FRZB: variants seen among roughly 807,000 people sequenced by gnomAD.
FRZB encodes frizzled related protein.
In FRZB, 34 loss-of-function variants were observed where a neutral mutation model predicts 32.5. The observed-to-expected ratio is 1.05, with a 90% CI of 0.80 to 1.39. FRZB has a LOEUF of 1.39. Ranked by LOEUF, FRZB falls within the 40% of genes most tolerant of loss-of-function variation. The probability of loss-of-function intolerance (pLI) is 0.00; values close to 1 mark genes in which losing one functional copy is unlikely to be tolerated. For missense variants in FRZB, 423 were observed against 424.8 expected, an observed-to-expected ratio of 1.00 and a Z score of 0.04; for synonymous variants, 170 against 159.2, an observed-to-expected ratio of 1.07 and a Z score of -0.51.
intron 2 of FRZB, among the ~76,000 whole-genome samples, chr2:182,848,533 G>T (rs1352906443): frequency 6.6e-6 from 1 of 152,094 alleles, no homozygotes; most frequent in Non-Finnish European, 1.5e-5. Flanking sequence ...AACCGACAGG[G>T]TCTTATTGTT....
chr2:182,847,007 TA>T (rs1695649585), intron 2 of FRZB, among the ~76,000 whole-genome samples: 1 of 152,230 alleles, frequency 6.6e-6, no homozygotes, highest in Non-Finnish European at 1.5e-5. Flanking sequence ...TTCAGTCACT[TA>T]CATATGAATT....
chr2:182,838,848 T>C (rs1695556960), intron 3 of FRZB, among the ~76,000 whole-genome samples: 1 of 152,052 alleles, frequency 6.6e-6, no homozygotes, highest in South Asian at 2.1e-4. Context: ...GTGTATATAT[T>C]TGCATGTATT....
At chr2:182,844,780 T>G (rs1342228181) in intron 2 of FRZB, among the ~76,000 whole-genome samples, 2 of 152,184 alleles carry the variant, frequency 1.3e-5, no homozygotes, top group Non-Finnish European at 2.9e-5. Context: ...TACAAAGCTA[T>G]GCATACAACT....
At chr2:182,859,792 G>A (rs1047782219) in intron 1 of FRZB, among the ~76,000 whole-genome samples, 1 of 152,116 alleles carries the variant, frequency 6.6e-6, no homozygotes, top group South Asian at 2.1e-4. Context: ...TATTTAAAAA[G>A]CAATATCCAA....
intron 2 of FRZB, among the ~76,000 whole-genome samples, chr2:182,857,496 T>C (rs1323106787): frequency 2.0e-5 from 3 of 151,702 alleles, no homozygotes; most frequent in African/African-American, 7.3e-5. Flanking sequence ...GGTGCACACC[T>C]GTAATCCTAG....
chr2:182,854,501 C>T (rs781437513), intron 2 of FRZB, among the ~76,000 whole-genome samples: 8 of 152,122 alleles, frequency 5.3e-5, no homozygotes, highest in Non-Finnish European at 8.8e-5. Context: ...CAGCCTGTAT[C>T]GTAGAGGCAA....
chr2:182,862,092 C>A (rs1695839646), intron 1 of FRZB, among the ~76,000 whole-genome samples: 1 of 152,172 alleles, frequency 6.6e-6, no homozygotes, highest in Admixed American at 6.5e-5. Context: ...TACTTGGCCC[C>A]TCAAATATTT....
At chr2:182,835,333 A>G (rs757856027) in intron 5 of FRZB, among the ~76,000 whole-genome samples, 2 of 152,090 alleles carry the variant, frequency 1.3e-5, no homozygotes, top group South Asian at 2.1e-4. Context: ...TTACACACAG[A>G]ATTTGAAGGG....
At chr2:182,861,480 G>T (rs78674541) in intron 1 of FRZB, among the ~76,000 whole-genome samples, 3,906 of 152,282 alleles carry the variant, frequency 0.026, 72 homozygotes, top group Non-Finnish European at 0.041. Context: ...CCCCAATGAC[G>T]TTGTTGTTAA....
intron 1 of FRZB, among the ~76,000 whole-genome samples, 178 bp from the exon 2 acceptor site, chr2:182,859,011 G>A (rs1228484982): frequency 6.6e-6 from 1 of 152,018 alleles, no homozygotes; most frequent in South Asian, 2.1e-4. Flanking sequence ...GAGTATGGAT[G>A]AGACTTATTT....
chr2:182,853,646 A>G (rs1350214377), intron 2 of FRZB, among the ~76,000 whole-genome samples: 1 of 152,230 alleles, frequency 6.6e-6, no homozygotes, highest in African/African-American at 2.4e-5. Context: ...CCTCAGATCA[A>G]ACATATCACC....
intron 5 of FRZB, 66 bp from the exon 6 acceptor site, chr2:182,835,031 TAAC>T: frequency 8.5e-7 from 1 of 1,176,578 alleles, no homozygotes; most frequent in Admixed American, 1.7e-5. Flanking sequence ...TCCATGATTC[TAAC>T]AACTGGGTCA....
intron 2 of FRZB, among the ~76,000 whole-genome samples, 169 bp from the exon 3 acceptor site, chr2:182,842,712 A>G (rs1004418229): frequency 2.0e-5 from 3 of 152,112 alleles, no homozygotes; most frequent in South Asian, 2.1e-4. Flanking sequence ...TGTTTATTCT[A>G]TCTACATGTC....
In FRZB at chr2:182,866,104, G is replaced by A. The variant is rs777468918; in HGVS notation, c.449C>T (p.Pro150Leu). 1.2e-6 allele frequency: 2 copies of A among 1,613,568 alleles called. No individual in the cohort carries two copies. Among genetic ancestry groups the A allele is most frequent in the South Asian group, 2.2e-5 (2 of 91,024 alleles). Residue 150 changes from proline (P) to leucine (L), a missense_variant, in exon 1 of 6, where the codon CCC becomes CTC. Coordinates refer to ENST00000295113, the MANE Select transcript of FRZB (RefSeq NM_001463.4). This position sits in a 1 kb window ranked among gnomAD's most constrained non-coding sequence, Gnocchi z 4.5. ...PVYDRGVCIS[P>L]EAIVTADGAD... Reference sequence around the variant, plus strand: ...TCCGTCCGCAGTAACGATGGCCTCGGGAGAGATGCACACGCCCCTGTCGTA... The same window carrying A: ...TCCGTCCGCAGTAACGATGGCCTCGAGAGAGATGCACACGCCCCTGTCGTA...
At chr2:182,853,763 G>C (rs1446834298) in intron 2 of FRZB, among the ~76,000 whole-genome samples, 1 of 152,060 alleles carries the variant, frequency 6.6e-6, no homozygotes, top group African/African-American at 2.4e-5. Flanking sequence ...CATTTCCACA[G>C]ATAAGACACC....
At chr2:182,857,472 T>C (rs4338928) in intron 2 of FRZB, among the ~76,000 whole-genome samples, 84,699 of 151,610 alleles carry the variant, frequency 0.56, 23,948 homozygotes, top group African/African-American at 0.6. Context: ...ATACAAAAAT[T>C]AGCTGGGTGT....
rs944022773 is a variant in FRZB at position 182,866,048 on chromosome 2, G to A, written c.478+27C>T. On this transcript the variant is annotated intron_variant, in intron 1 of 5. Coordinates refer to ENST00000295113, the MANE Select transcript of FRZB (RefSeq NM_001463.4). This position sits in a 1 kb window ranked among gnomAD's most constrained non-coding sequence, Gnocchi z 4.5. ...AGAATTGAGGAGGCTGTAGGGTAAG[G>A]GAAGGGTGGGCCGTGTCAAAACTCA... 28 of 1,558,648 alleles carry A rather than the reference G, an allele frequency of 1.8e-5. No homozygotes were observed. Among genetic ancestry groups the A allele is most frequent in the Non-Finnish European group, 2.5e-5 (28 of 1,137,706 alleles).
intron 2 of FRZB, among the ~76,000 whole-genome samples, chr2:182,852,524 G>T (rs1250636353): frequency 6.6e-6 from 1 of 152,156 alleles, no homozygotes; most frequent in Non-Finnish European, 1.5e-5. Flanking sequence ...TATATTTAGT[G>T]TCAGAATTTA....
intron 2 of FRZB, among the ~76,000 whole-genome samples, chr2:182,845,383 A>G (rs1695628840): frequency 6.6e-6 from 1 of 152,078 alleles, no homozygotes; most frequent in Admixed American, 6.6e-5. Flanking sequence ...TTCTTGTTTA[A>G]TTGCTAGTAA....
Sources: gnomAD v4.1 joint callset for allele counts (sites outside exome capture counted in the v4.1 genomes callset) on GRCh38, gnomAD v4.1.1 for gene constraint, Gnocchi (gnomAD v3.1) non-coding constraint, MANE v1.5 for transcripts, NCBI Gene and HGNC (gene_info 2026-07-23, HGNC 2026-07-21) for gene names.